IL1RAP: variants seen among roughly 807,000 people sequenced by gnomAD.
IL1RAP encodes the protein interleukin 1 receptor accessory protein.
A neutral mutation model predicts 60.7 loss-of-function variants in IL1RAP; 35 were observed. The ratio of observed to expected loss-of-function variants is 0.58; its 90% CI spans 0.44 to 0.76. IL1RAP has a LOEUF of 0.76. Among genes scored for constraint, IL1RAP ranks in the 30% least tolerant of loss-of-function variants. The probability of loss-of-function intolerance (pLI) is 0.00; values close to 1 mark genes in which losing one functional copy is unlikely to be tolerated. For synonymous variants in IL1RAP, 268 were observed against 250.9 expected, an observed-to-expected ratio of 1.07 and a Z score of -0.64; for missense variants, 572 against 693.9, an observed-to-expected ratio of 0.82 and a Z score of 1.97.
chr3:190,553,637 G>GA (rs1376311864), intron 1 of IL1RAP, among the ~76,000 whole-genome samples: 5 of 152,108 alleles, frequency 3.3e-5, no homozygotes, highest in Non-Finnish European at 5.9e-5. Flanking sequence ...CGTCCATCCG[G>GA]AAAAAAGAAG....
intron 3 of IL1RAP, among the ~76,000 whole-genome samples, chr3:190,566,870 G>A (rs572014492): frequency 6.6e-6 from 1 of 152,308 alleles, no homozygotes; most frequent in South Asian, 2.1e-4. Context: ...CTTTTACAAG[G>A]CATCTGTGGA....
intron 3 of IL1RAP, among the ~76,000 whole-genome samples, chr3:190,579,136 G>A (rs1727763824): frequency 6.6e-6 from 1 of 152,270 alleles, no homozygotes; most frequent in East Asian, 1.9e-4. Flanking sequence ...TAAAAGCTCA[G>A]TACTACAGAA....
chr3:190,629,719 G>T, intron 9 of IL1RAP: 1 of 1,239,078 alleles, frequency 8.1e-7, no homozygotes, highest in Non-Finnish European at 1.0e-6. Flanking sequence ...ATGCCCAAAT[G>T]TAGCTAAAAA....
intron 9 of IL1RAP, among the ~76,000 whole-genome samples, chr3:190,637,703 T>A (rs1391286527): frequency 1.3e-5 from 2 of 152,152 alleles, no homozygotes; most frequent in Non-Finnish European, 2.9e-5. Flanking sequence ...TTACCTAATA[T>A]CCTATTAAGA....
Position 190,645,708 on chromosome 3 carries a change from A to T in IL1RAP, c.1211A>T (p.Glu404Val), listed in dbSNP as rs1459674535. Residue 404 changes from glutamate (E) to valine (V), a missense_variant, in exon 11 of 12, where the codon GAG becomes GTG. Physicochemically the swap from Glu to Val is moderately radical, Grantham distance 121. Coordinates refer to ENST00000447382, the MANE Select transcript of IL1RAP (RefSeq NM_002182.4). Reference sequence around the variant, plus strand: ...GTGTTCCTTTTGCTAGATGGAAAAGAGTATGATATTTATGTATCCTATGCA... The same window carrying T: ...GTGTTCCTTTTGCTAGATGGAAAAGTGTATGATATTTATGTATCCTATGCA... ...GTDETILDGK[E>V]YDIYVSYARN... 11 of 1,610,506 alleles carry T rather than the reference A, an allele frequency of 6.8e-6. No individual in the cohort carries two copies. The highest frequency in any genetic ancestry group is 9.3e-6 in the Non-Finnish European group (11 of 1,177,414).
downstream of IL1RAP, among the ~76,000 whole-genome samples, chr3:190,654,493 A>T (rs986998099): frequency 6.6e-6 from 1 of 152,198 alleles, no homozygotes; most frequent in African/African-American, 2.4e-5. Context: ...AATGAAACAA[A>T]ATGTCTCTAA....
At chr3:190,532,324 A>G (rs1363136672) in intron 1 of IL1RAP, among the ~76,000 whole-genome samples, 1 of 140,402 alleles carries the variant, frequency 7.1e-6, no homozygotes, top group Non-Finnish European at 1.5e-5. Context: ...GTGCAGTGGC[A>G]CCATCTCGGC....
At chr3:190,657,932 G>C (rs1734664672) in exon 12 of IL1RAP, 1 of 152,020 alleles carries the variant, frequency 6.6e-6, no homozygotes, top group South Asian at 2.1e-4. Flanking sequence ...GTGGGCACCT[G>C]TAATCCCAGC....
rs1361515229 is a variant in IL1RAP, at chr3:190,650,062, T to A, written c.*1357T>A. 1 of 405,764 alleles carries A rather than the reference T, an allele frequency of 2.5e-6. No homozygotes were observed. Among genetic ancestry groups the A allele is most frequent in the Non-Finnish European group, 3.3e-6 (1 of 301,432 alleles). 25.1% of individuals were successfully genotyped at this position (405,764 alleles called of 1,614,324 possible). A position where few individuals can be genotyped will look rare whatever the true frequency, so the allele number is the denominator to read the frequency against. ...TATATAAATCCACATGCACATGAAATATATATATATATATAATTTGTGTGT... is the reference window on the plus strand; with the variant it reads ...TATATAAATCCACATGCACATGAAAAATATATATATATATAATTTGTGTGT... On this transcript the variant is annotated 3_prime_UTR_variant, in exon 12 of 12. Coordinates refer to ENST00000447382, the MANE Select transcript of IL1RAP (RefSeq NM_002182.4).
At chr3:190,567,653 G>T (rs1483055022) in intron 3 of IL1RAP, among the ~76,000 whole-genome samples, 3 of 152,076 alleles carry the variant, frequency 2.0e-5, no homozygotes. Context: ...AGATCTAAGG[G>T]ATCACAGGTA....
At chr3:190,604,666 C>A (rs905043196) in intron 4 of IL1RAP, among the ~76,000 whole-genome samples, 3 of 152,074 alleles carry the variant, frequency 2.0e-5, no homozygotes, top group Admixed American at 6.6e-5. Context: ...GAAAGTGGAG[C>A]CTTGTTATTA....
chr3:190,650,106 G>A lies in IL1RAP; in HGVS notation c.*1401G>A, dbSNP rs7627498. ...TGTGTGTGTGTATGTGTATGTATAT[G>A]ACTTTAAATAGCTATGGGTACAATA... is the stretch of plus-strand genomic sequence containing the variant. On this transcript the variant is annotated 3_prime_UTR_variant, in exon 12 of 12. Coordinates refer to ENST00000447382, the MANE Select transcript of IL1RAP (RefSeq NM_002182.4). 26,344 of 942,858 alleles carry A rather than the reference G, an allele frequency of 0.028. 1,742 individuals are homozygous for A. The highest frequency in any genetic ancestry group is 0.25 in the East Asian group (2,155 of 8,514). The allele number at this position is 942,858 out of a possible 1,614,324, so 58.4% of individuals were successfully genotyped here.
chr3:190,613,946 C>G (rs1731046531), intron 5 of IL1RAP, among the ~76,000 whole-genome samples: 1 of 151,978 alleles, frequency 6.6e-6, no homozygotes, highest in Admixed American at 6.6e-5. Flanking sequence ...CAACTGACAC[C>G]TTTAATCCTA....
Position 190,649,827 on chromosome 3 carries a change from A to C in IL1RAP, c.*1122A>C, listed in dbSNP as rs1397929452. 6.1e-6 allele frequency: 6 copies of C among 985,198 alleles called. No individual in the cohort carries two copies. The highest frequency in any genetic ancestry group is 6.2e-5 in the Admixed American group (1 of 16,250). The allele number at this position is 985,198 out of a possible 1,614,324, so 61.0% of individuals were successfully genotyped here. A position where few individuals can be genotyped will look rare whatever the true frequency, so the allele number is the denominator to read the frequency against. ...TAAGTCAGTATGAGAAGTCACTGTCAATGAAAGTTGTTTTGTTTGTTTTCA... is the reference window on the plus strand; with the variant it reads ...TAAGTCAGTATGAGAAGTCACTGTCCATGAAAGTTGTTTTGTTTGTTTTCA... On this transcript the variant is annotated 3_prime_UTR_variant, in exon 12 of 12. Coordinates refer to ENST00000447382, the MANE Select transcript of IL1RAP (RefSeq NM_002182.4).
At chr3:190,514,992 C>T (rs560473289) in intron 1 of IL1RAP, among the ~76,000 whole-genome samples, 1 of 152,170 alleles carries the variant, frequency 6.6e-6, no homozygotes, top group Non-Finnish European at 1.5e-5. Context: ...AAGCAAACTT[C>T]GGCTGTTTCC....
At chr3:190,648,109 T>A (rs909117479) in intron 11 of IL1RAP, among the ~76,000 whole-genome samples, 2 of 152,228 alleles carry the variant, frequency 1.3e-5, no homozygotes, top group Non-Finnish European at 2.9e-5. Flanking sequence ...CTGTTTGGAA[T>A]TCTTTTTAGA....
chr3:190,615,352 C>T (rs1560215361), intron 5 of IL1RAP: 2 of 1,207,660 alleles, frequency 1.7e-6, no homozygotes, highest in South Asian at 1.3e-5. Flanking sequence ...AGTAAAGACA[C>T]AGGTAATGCA....
chr3:190,569,665 A>G (rs1415588486), intron 3 of IL1RAP, among the ~76,000 whole-genome samples: 1 of 151,676 alleles, frequency 6.6e-6, no homozygotes, highest in East Asian at 1.9e-4. Context: ...GGGTGGATTT[A>G]CTGTAGCCTG....
chr3:190,641,855 T>G (rs1030008116), intron 9 of IL1RAP, among the ~76,000 whole-genome samples: 2 of 152,192 alleles, frequency 1.3e-5, no homozygotes, highest in Non-Finnish European at 2.9e-5. Context: ...CACAGTGATT[T>G]TCATGCCAGC....
Sources: allele counts gnomAD v4.1 joint callset (sites outside exome capture counted in the v4.1 genomes callset), GRCh38; gene constraint gnomAD v4.1.1; transcripts MANE v1.5; gene names NCBI Gene and HGNC (gene_info 2026-07-23, HGNC 2026-07-21).